EYS: variants seen among roughly 807,000 people sequenced by gnomAD.
EYS encodes protein eyes shut homolog.
EYS carries 250 observed loss-of-function variants against 282.1 expected under a neutral mutation model. The ratio of observed to expected loss-of-function variants is 0.89; its 90% CI spans 0.80 to 0.98. The LOEUF is 0.98. EYS is among the 50% of genes least tolerant of loss of function. The pLI, the probability that EYS is intolerant of heterozygous loss-of-function variation, is 0.00. For synonymous variants in EYS, 1,355 were observed against 1,282.9 expected (o/e 1.06, Z -1.20); for missense variants, 4,016 against 3,709.0 (o/e 1.08, Z -2.15).
rs1768381543 is a variant in EYS at position 63,721,372 on chromosome 6, C to A, written c.8659G>T (p.Gly2887Ter). The change falls in exon 43 of 43, where the codon GGA becomes TGA. Residue 2887 changes from glycine (G) to a stop codon, truncating the protein, a stop_gained. Coordinates refer to ENST00000503581, the MANE Select transcript of EYS (RefSeq NM_001142800.2). LOFTEE classifies it low-confidence loss of function (END_TRUNC). ...GTGCCATTTACTGTACATTCACCTC[C>A]ATTTCTGCATGTGTTGTACCCACAG... ...TACGYNTCRN[G>*]GECTVNGTTF... The A allele has an allele frequency of 1.3e-6, 2 of 1,551,732 alleles. No individual in the cohort carries two copies. Among genetic ancestry groups the A allele is most frequent in the Admixed American group, 2.0e-5 (1 of 50,970 alleles).
intron 7 of EYS, among the ~76,000 whole-genome samples, chr6:65,396,405 A>G (rs1766281640): frequency 1.3e-5 from 2 of 151,972 alleles, no homozygotes; most frequent in Non-Finnish European, 2.9e-5. Context: ...ATTCCATCCC[A>G]CAATCCATTG....
intron 30 of EYS, among the ~76,000 whole-genome samples, chr6:64,301,193 G>C (rs1020735632): frequency 6.6e-6 from 1 of 152,134 alleles, no homozygotes; most frequent in Admixed American, 6.5e-5. Context: ...AAAAACTTAC[G>C]TACCTTAAAT....
chr6:65,200,492 A>C (rs1765874340), intron 12 of EYS, among the ~76,000 whole-genome samples: 1 of 151,582 alleles, frequency 6.6e-6, no homozygotes, highest in Non-Finnish European at 1.5e-5. Context: ...TTCCAAGGAG[A>C]GGCAGCAGAA....
chr6:65,258,686 T>C (rs1767537878), intron 12 of EYS, among the ~76,000 whole-genome samples: 1 of 152,016 alleles, frequency 6.6e-6, no homozygotes, highest in Admixed American at 6.6e-5. Flanking sequence ...TACAGAGAAA[T>C]TTTGCGGTGG....
intron 1 of EYS, among the ~76,000 whole-genome samples, chr6:65,704,092 T>G (rs1769782029): frequency 6.6e-6 from 1 of 152,192 alleles, no homozygotes; most frequent in Non-Finnish European, 1.5e-5. Context: ...AAAACTCCAC[T>G]GGAACAAGCC....
chr6:64,852,175 G>T (rs1295516599), intron 19 of EYS, among the ~76,000 whole-genome samples: 2 of 152,014 alleles, frequency 1.3e-5, no homozygotes, highest in Non-Finnish European at 2.9e-5. Context: ...AACTTGATTG[G>T]ATTGAAGGAT....
At chr6:64,439,390 T>A in intron 26 of EYS, 38 bp from the exon 27 acceptor site, 1 of 1,330,006 alleles carries the variant, frequency 7.5e-7, no homozygotes, top group Non-Finnish European at 1.0e-6. Flanking sequence ...TAGGTTGAAA[T>A]AAATATTCAA....
chr6:64,166,848 G>A (rs1403472185), intron 31 of EYS, among the ~76,000 whole-genome samples: 1 of 152,138 alleles, frequency 6.6e-6, no homozygotes, highest in African/African-American at 2.4e-5. Flanking sequence ...TGTATCTTAA[G>A]ATCTCATAGT....
chr6:65,089,943 CAAA>C (rs376305956), intron 12 of EYS, among the ~76,000 whole-genome samples: 3 of 77,874 alleles, frequency 3.9e-5, no homozygotes, highest in Middle Eastern at 7.6e-3. Context: ...GGCAAGAAAG[CAAA>C]AAAAAAAAAA....
chr6:64,025,033 G>C (rs1350890811), intron 33 of EYS, among the ~76,000 whole-genome samples: 1 of 152,152 alleles, frequency 6.6e-6, no homozygotes, highest in Non-Finnish European at 1.5e-5. Flanking sequence ...CGAGCAGTGA[G>C]ACAATTGCCT....
chr6:65,660,509 G>A (rs185959487), intron 1 of EYS, among the ~76,000 whole-genome samples: 363 of 151,640 alleles, frequency 2.4e-3, no homozygotes, highest in African/African-American at 8.4e-3. Flanking sequence ...TTTGAAACCT[G>A]TAAGGACAAA....
chr6:64,824,864 A>T (rs2150024235), intron 19 of EYS, among the ~76,000 whole-genome samples: 1 of 151,992 alleles, frequency 6.6e-6, no homozygotes, highest in South Asian at 2.1e-4. Context: ...TTTATTCATT[A>T]ATTAAAATTG....
chr6:65,687,977 G>C (rs930521779), intron 1 of EYS, among the ~76,000 whole-genome samples: 4 of 152,152 alleles, frequency 2.6e-5, no homozygotes, highest in Non-Finnish European at 4.4e-5. Context: ...TGAGTAGGAA[G>C]AATCAATATC....
chr6:64,533,486 A>G (rs1028181216), intron 26 of EYS, among the ~76,000 whole-genome samples: 8 of 152,102 alleles, frequency 5.3e-5, no homozygotes, highest in East Asian at 3.9e-4. Context: ...CATGACATCA[A>G]TGATAAGAAT....
chr6:65,564,639 C>T (rs369109707), intron 2 of EYS, among the ~76,000 whole-genome samples: 1 of 151,910 alleles, frequency 6.6e-6, no homozygotes, highest in Admixed American at 6.6e-5. Flanking sequence ...TGGATTAAAG[C>T]TTTTAACATA....
At chr6:64,260,576 T>C (rs528492864) in intron 30 of EYS, among the ~76,000 whole-genome samples, 1 of 152,230 alleles carries the variant, frequency 6.6e-6, no homozygotes, top group Non-Finnish European at 1.5e-5. Flanking sequence ...TACTGATGAT[T>C]TGAATATTTA....
rs538882630 is a variant in EYS at position 63,926,950 on chromosome 6, A to G, written c.7055+57433T>C. Among the ~76,000 whole-genome samples the G allele has an allele frequency of 9.2e-5, 14 of 152,324 alleles. No homozygotes were observed. In the South Asian group the frequency reaches 2.9e-3, roughly 32 times the overall value. ...CAATAAATATTTGTGGATTTTTTCA[A>G]AGAGCTTCTAAAGTAAATATTAGCT... On this transcript the variant is annotated intron_variant, in intron 35 of 42. Coordinates refer to ENST00000503581, the MANE Select transcript of EYS (RefSeq NM_001142800.2).
intron 31 of EYS, among the ~76,000 whole-genome samples, chr6:64,129,645 T>C (rs2150280464): frequency 6.6e-6 from 1 of 152,300 alleles, no homozygotes; most frequent in African/African-American, 2.4e-5. Flanking sequence ...TTAGATCCCA[T>C]TTGTCAATTT....
intron 19 of EYS, among the ~76,000 whole-genome samples, chr6:64,879,010 A>T (rs1391471554): frequency 6.6e-6 from 1 of 152,178 alleles, no homozygotes; most frequent in East Asian, 1.9e-4. Flanking sequence ...ATAGAATTTC[A>T]CTAAGGGTTT....
Sources: gnomAD v4.1 joint callset for allele counts (sites outside exome capture counted in the v4.1 genomes callset) on GRCh38, gnomAD v4.1.1 for gene constraint, MANE v1.5 for transcripts, NCBI Gene and HGNC (gene_info 2026-07-23, HGNC 2026-07-21) for gene names.